The following ADD3 variants were observed in gnomAD, a reference collection of about 807,000 sequenced individuals.
ADD3 encodes adducin 3, also known as gamma-adducin.
ADD3 carries 25 observed loss-of-function variants against 80.2 expected under a neutral mutation model. The ratio of observed to expected loss-of-function variants is 0.31; its 90% confidence interval spans 0.23 to 0.44. The LOEUF (loss-of-function observed/expected upper bound fraction) is 0.44, where lower values mean the gene tolerates loss of function less well. ADD3 is among the 20% of genes least tolerant of loss of function. ADD3 has a pLI of 1.00. For missense variants in ADD3, 829 were observed against 847.5 expected, an observed-to-expected ratio of 0.98 and a Z score of 0.27; for synonymous variants, 284 against 289.6, an observed-to-expected ratio of 0.98 and a Z score of 0.20.
At chr10:110,016,731 A>C (rs931115138) in intron 1 of ADD3, 1 of 152,172 alleles carries the variant, frequency 6.6e-6, no homozygotes, top group Non-Finnish European at 1.5e-5. Context: ...GTTTCAAAGT[A>C]GATTTTGTTG....
rs1004691080 is a variant in ADD3, at chr10:110,065,475, T to A, written c.-29-35150T>A. On this transcript the variant is annotated intron_variant, in intron 1 of 14. Coordinates refer to ENST00000356080, the MANE Select transcript of ADD3 (RefSeq NM_016824.5). ...CTTTACTAAAGTCTCTTAGTGTGTG[T>A]CTGTCTCTGTCTGTCTCTCTCTCTC... 5.8e-5 allele frequency among the ~76,000 whole-genome samples: 3 copies of A among 51,346 alleles called. No individual in the cohort carries two copies. In the Admixed American group the frequency reaches 7.2e-4, roughly 12 times the overall value. The allele number at this position is 51,346 out of a possible 152,430, so 33.7% of individuals were successfully genotyped here. A position where few individuals can be genotyped will look rare whatever the true frequency, so the allele number is the denominator to read the frequency against.
At chr10:110,006,750 A>AG (rs35613415), upstream of ADD3, among the ~76,000 whole-genome samples, 1 of 151,144 alleles carries the variant, frequency 6.6e-6, no homozygotes, top group African/African-American at 2.4e-5. Flanking sequence ...TTTAGGGAGG[A>AG]GGGGGGGGAT....
At chr10:110,094,344 C>T (rs1847904823) in intron 1 of ADD3, among the ~76,000 whole-genome samples, 1 of 152,094 alleles carries the variant, frequency 6.6e-6, no homozygotes, top group Non-Finnish European at 1.5e-5. Context: ...AGCAATGTAA[C>T]TTTAGAAAAG....
intron 2 of ADD3, among the ~76,000 whole-genome samples, chr10:110,103,904 C>T (rs1849122890): frequency 6.6e-6 from 1 of 152,134 alleles, no homozygotes; most frequent in Non-Finnish European, 1.5e-5. Context: ...GTCTGTCCTT[C>T]TGCCACAATT....
At chr10:110,083,641 A>G (rs550507091) in intron 1 of ADD3, among the ~76,000 whole-genome samples, 1 of 152,046 alleles carries the variant, frequency 6.6e-6, no homozygotes, top group Non-Finnish European at 1.5e-5. Flanking sequence ...AGTCTTTCCT[A>G]TCGTTTTTTC....
chr10:110,128,379 AT>A (rs1852461856), intron 12 of ADD3, among the ~76,000 whole-genome samples: 1 of 150,280 alleles, frequency 6.7e-6, no homozygotes, highest in African/African-American at 2.4e-5. Context: ...AACCCTTTTA[AT>A]TTTTTATTTT....
intron 9 of ADD3, among the ~76,000 whole-genome samples, chr10:110,122,892 A>G (rs1223716424): frequency 6.6e-6 from 1 of 151,950 alleles, no homozygotes; most frequent in African/African-American, 2.4e-5. Context: ...TCAGCCTCCC[A>G]AAGTGCTGGG....
chr10:110,107,156 T>A (rs1041779679), intron 2 of ADD3, among the ~76,000 whole-genome samples: 2 of 152,028 alleles, frequency 1.3e-5, no homozygotes, highest in Admixed American at 1.3e-4. Flanking sequence ...TCAGATAATA[T>A]GGTATAGTAG....
chr10:110,050,252 T>C (rs1857355874), intron 1 of ADD3, among the ~76,000 whole-genome samples: 1 of 152,146 alleles, frequency 6.6e-6, no homozygotes, highest in African/African-American at 2.4e-5. Context: ...CATCTCATCT[T>C]GAATTGTAGC....
chr10:110,117,021 A>G (rs1459455385), intron 4 of ADD3, among the ~76,000 whole-genome samples: 2 of 152,188 alleles, frequency 1.3e-5, no homozygotes, highest in Admixed American at 6.5e-5. Flanking sequence ...GTTATAAATT[A>G]AGGTTATAAT....
At position 110,118,494 on chromosome 10, in the gene ADD3, T is replaced by C. The variant is rs192781161; in HGVS notation, c.568-93T>C. On this transcript the variant is annotated intron_variant, in intron 5 of 14. Coordinates refer to ENST00000356080, the MANE Select transcript of ADD3 (RefSeq NM_016824.5). The stretch of plus-strand genomic sequence containing the variant: ...CCAAAATATTTGCTATCTGACCTTT[T>C]ACAAAAAGGTTTGCTACCCCCTGGT... 15 of 1,102,424 alleles carry C rather than the reference T, an allele frequency of 1.4e-5. No individual in the cohort carries two copies. The East Asian group carries it at 2.8e-4, about 21-fold the overall frequency. The allele number at this position is 1,102,424 out of a possible 1,614,324, so 68.3% of individuals were successfully genotyped here.
intron 1 of ADD3, chr10:109,997,665 T>A (rs761900092): frequency 3.9e-5 from 6 of 152,262 alleles, no homozygotes; most frequent in African/African-American, 1.4e-4. Context: ...GATTTGACTA[T>A]ATTTGGGAAT....
rs144379121 is a variant in ADD3 at position 110,132,154 on chromosome 10, A to G, written c.1733-151A>G. 736 of 569,670 alleles carry G rather than the reference A, an allele frequency of 1.3e-3. 3 individuals are homozygous for G. Among genetic ancestry groups the G allele is most frequent in the African/African-American group, 0.013 (674 of 53,156 alleles). 35.3% of individuals were successfully genotyped at this position (569,670 alleles called of 1,614,324 possible). A position where few individuals can be genotyped will look rare whatever the true frequency, so the allele number is the denominator to read the frequency against. ...CTCCTCTTAATGTATAATTATGGAT[A>G]TATGGGATAACTGTTAGCATGCTCA... On this transcript the variant is annotated intron_variant, in intron 13 of 14. Transcript: ENST00000356080.
At chr10:110,100,945 G>T in intron 2 of ADD3, 97 bp downstream of exon 2, 2 of 1,129,688 alleles carry the variant, frequency 1.8e-6, no homozygotes, top group South Asian at 1.9e-5. Context: ...GTTAAAAGAG[G>T]GGTGGAGGAG....
chr10:110,104,437 A>C (rs1849193459), intron 2 of ADD3, among the ~76,000 whole-genome samples: 1 of 152,176 alleles, frequency 6.6e-6, no homozygotes. Flanking sequence ...AGGGGTGCAA[A>C]GGCCCCTTTT....
At chr10:110,036,532 A>C (rs773887928) in intron 1 of ADD3, among the ~76,000 whole-genome samples, 10 of 151,912 alleles carry the variant, frequency 6.6e-5, no homozygotes, top group Non-Finnish European at 4.4e-5. Flanking sequence ...GGCGCCTGCC[A>C]CCACGCCTGG....
chr10:110,126,002 C>A, intron 11 of ADD3, 57 bp downstream of exon 11: 1 of 1,519,226 alleles, frequency 6.6e-7, no homozygotes, highest in South Asian at 1.3e-5. Flanking sequence ...ATGTTTAAAT[C>A]ACCAGTGGTT....
intron 1 of ADD3, among the ~76,000 whole-genome samples, chr10:110,095,313 C>T (rs918192758): frequency 8.5e-5 from 13 of 152,200 alleles, no homozygotes; most frequent in Non-Finnish European, 1.9e-4. Context: ...ACAACTATCA[C>T]CACAATAATT....
At chr10:110,083,280 A>C (rs1474079473) in intron 1 of ADD3, among the ~76,000 whole-genome samples, 1 of 152,178 alleles carries the variant, frequency 6.6e-6, no homozygotes, top group East Asian at 1.9e-4. Flanking sequence ...GATGGAGATG[A>C]GAGGGGAAAA....
Sources: allele counts gnomAD v4.1 joint callset (sites outside exome capture counted in the v4.1 genomes callset), GRCh38; gene constraint gnomAD v4.1.1; transcripts MANE v1.5; gene names NCBI Gene and HGNC (gene_info 2026-07-23, HGNC 2026-07-21).